Variants in ULK4 observed in about 807,000 individuals in gnomAD.
ULK4 encodes the protein inactive serine/threonine-protein kinase ULK4.
A neutral mutation model predicts 160.6 loss-of-function variants in ULK4; 133 were observed. That is an observed-to-expected ratio of 0.83 (90% CI 0.72 to 0.96). ULK4 has a LOEUF of 0.96. Among genes scored for constraint, ULK4 ranks in the 40% least tolerant of loss-of-function variants. The probability of loss-of-function intolerance (pLI) is 0.00; values close to 1 mark genes in which losing one functional copy is unlikely to be tolerated. For missense variants in ULK4, 1,580 were observed against 1,499.5 expected (o/e 1.05, Z -0.89); for synonymous variants, 534 against 539.8 (o/e 0.99, Z 0.15).
At chr3:41,341,114 T>C (rs1169732284) in intron 35 of ULK4, among the ~76,000 whole-genome samples, 2 of 152,202 alleles carry the variant, frequency 1.3e-5, no homozygotes, top group African/African-American at 4.8e-5. Context: ...GTGACATAAC[T>C]GGTATTCCAT....
intron 34 of ULK4, among the ~76,000 whole-genome samples, chr3:41,454,189 A>AG (rs1197847225): frequency 6.3e-4 from 94 of 149,308 alleles, no homozygotes; most frequent in African/African-American, 2.3e-3. Context: ...AAAAAAAAAA[A>AG]AGAAAAAAGA....
intron 30 of ULK4, among the ~76,000 whole-genome samples, chr3:41,637,239 CTCTACT>C (rs1300349804): frequency 1.3e-5 from 2 of 152,192 alleles, no homozygotes; most frequent in East Asian, 1.9e-4. Context: ...CCAGTCTCCT[CTCTACT>C]TCTGAGTCAA....
chr3:41,884,676 A>G (rs1313948014), intron 16 of ULK4, among the ~76,000 whole-genome samples: 1 of 152,130 alleles, frequency 6.6e-6, no homozygotes, highest in Admixed American at 6.5e-5. Flanking sequence ...GTCAGCTTTT[A>G]TTTTTTACCA....
intron 27 of ULK4, among the ~76,000 whole-genome samples, chr3:41,690,500 T>C (rs1385492596): frequency 6.6e-6 from 1 of 151,654 alleles, no homozygotes; most frequent in East Asian, 1.9e-4. Context: ...TCACAGGCCT[T>C]CTTCCTTCAC....
intron 29 of ULK4, among the ~76,000 whole-genome samples, chr3:41,676,906 A>G (rs1429967615): frequency 2.6e-5 from 3 of 114,418 alleles, no homozygotes; most frequent in Non-Finnish European, 3.2e-5. Context: ...CCCACCCCCA[A>G]CCTTTTTTTT....
At chr3:41,410,018 A>T (rs1185606383) in intron 34 of ULK4, among the ~76,000 whole-genome samples, 1 of 152,176 alleles carries the variant, frequency 6.6e-6, no homozygotes, top group African/African-American at 2.4e-5. Context: ...CCATAGAAGG[A>T]CTACAATCAA....
At position 41,619,257 on chromosome 3, in the gene ULK4, G is replaced by T. The variant is rs186686128; in HGVS notation, c.3072-3540C>A. Among the ~76,000 whole-genome samples, 270 of 151,784 alleles carry T rather than the reference G, an allele frequency of 1.8e-3. 4 individuals are homozygous for T. The highest frequency in any genetic ancestry group is 0.016 in the Admixed American group (248 of 15,246). ...CAAGGATATTCAGGACTTGAACTCA[G>T]CTCTGGACCAAGTGGACCTAATAGA... On this transcript the variant is annotated intron_variant, in intron 30 of 36. Transcript: ENST00000301831.
chr3:41,462,114 T>A (rs1376407704), intron 33 of ULK4, among the ~76,000 whole-genome samples: 1 of 152,198 alleles, frequency 6.6e-6, no homozygotes, highest in Non-Finnish European at 1.5e-5. Flanking sequence ...GTTGAGGGGA[T>A]CTTGGATTTA....
chr3:41,591,007 C>T (rs2031261362), intron 31 of ULK4, among the ~76,000 whole-genome samples: 1 of 151,958 alleles, frequency 6.6e-6, no homozygotes. Flanking sequence ...CATTCACAAA[C>T]ACACATATGT....
chr3:41,873,636 C>T (rs1697196568), intron 17 of ULK4, among the ~76,000 whole-genome samples: 1 of 152,210 alleles, frequency 6.6e-6, no homozygotes, highest in Non-Finnish European at 1.5e-5. Flanking sequence ...TCACTGCAAC[C>T]TCTGCCTCCC....
At chr3:41,851,745 CA>C (rs775564257) in intron 17 of ULK4, among the ~76,000 whole-genome samples, 1 of 151,972 alleles carries the variant, frequency 6.6e-6, no homozygotes, top group Non-Finnish European at 1.5e-5. Flanking sequence ...ACATTCAAAG[CA>C]GTGTGTAGAG....
intron 34 of ULK4, among the ~76,000 whole-genome samples, chr3:41,452,230 C>G (rs968593247): frequency 6.6e-6 from 1 of 152,142 alleles, no homozygotes; most frequent in South Asian, 2.1e-4. Flanking sequence ...TAGGCAGCAC[C>G]TAGGCCACTC....
rs1360884940 is a variant in ULK4, at chr3:41,643,035, GTTGT to G, written c.3071+20568_3071+20571del. ...TATCCTTCGCCCAGTTTTTGATGGG[GTTGT>G]TTGTTTTTTTCTTGTACATTTCTTT... On this transcript the variant is annotated intron_variant, in intron 30 of 36. Coordinates refer to ENST00000301831, the MANE Select transcript of ULK4 (RefSeq NM_017886.4). Among the ~76,000 whole-genome samples, 85 of 152,218 alleles carry G rather than the reference GTTGT, an allele frequency of 5.6e-4. 1 individual carries two copies. Among genetic ancestry groups the G allele is most frequent in the South Asian group, 5.4e-3 (26 of 4,808 alleles).
chr3:41,356,150 C>G (rs2081025402), intron 35 of ULK4, among the ~76,000 whole-genome samples: 1 of 152,088 alleles, frequency 6.6e-6, no homozygotes, highest in Non-Finnish European at 1.5e-5. Context: ...AAGCCCTGTC[C>G]CCTGTGTTCT....
At chr3:41,663,285 T>C (rs1303949336) in intron 30 of ULK4, among the ~76,000 whole-genome samples, 1 of 152,132 alleles carries the variant, frequency 6.6e-6, no homozygotes, top group South Asian at 2.1e-4. Flanking sequence ...ATAAATACTA[T>C]TGAGATTTAA....
At chr3:41,616,544 G>A (rs2032974466) in intron 30 of ULK4, among the ~76,000 whole-genome samples, 1 of 152,144 alleles carries the variant, frequency 6.6e-6, no homozygotes, top group Non-Finnish European at 1.5e-5. Context: ...CAAGGGGCTG[G>A]GGACCTCCCT....
intron 22 of ULK4, among the ~76,000 whole-genome samples, chr3:41,742,140 T>A (rs1455907523): frequency 6.7e-6 from 1 of 150,056 alleles, no homozygotes; most frequent in Non-Finnish European, 1.5e-5. Flanking sequence ...CATGGGAATT[T>A]TATCTTCTAC....
At chr3:41,748,346 G>T (rs1189767899) in intron 22 of ULK4, among the ~76,000 whole-genome samples, 1 of 150,964 alleles carries the variant, frequency 6.6e-6, no homozygotes, top group Non-Finnish European at 1.5e-5. Flanking sequence ...GTTTCAAATG[G>T]CAATACATAT....
intron 31 of ULK4, among the ~76,000 whole-genome samples, chr3:41,579,068 G>A (rs935167664): frequency 6.6e-6 from 1 of 152,160 alleles, no homozygotes; most frequent in Admixed American, 6.5e-5. Context: ...CATGTCCACT[G>A]TTTCTGCATC....
Sources: gnomAD v4.1 joint callset for allele counts (sites outside exome capture counted in the v4.1 genomes callset) on GRCh38, gnomAD v4.1.1 for gene constraint, MANE v1.5 for transcripts, NCBI Gene and HGNC (gene_info 2026-07-23, HGNC 2026-07-21) for gene names.